The following RAB22A variants were observed in gnomAD, a reference collection of about 807,000 sequenced individuals.
RAB22A encodes the protein RAB22A, member RAS oncogene family.
RAB22A carries 13 observed loss-of-function variants against 30.2 expected under a neutral mutation model. The observed-to-expected ratio is 0.43, with a 90% CI of 0.28 to 0.68. The LOEUF is 0.68. RAB22A is among the 30% of genes least tolerant of loss of function. The probability of loss-of-function intolerance (pLI) is 0.18; values close to 1 mark genes in which losing one functional copy is unlikely to be tolerated. For missense variants in RAB22A, 177 were observed against 246.8 expected (o/e 0.72, Z 1.89); for synonymous variants, 89 against 87.2 (o/e 1.02, Z -0.11).
In RAB22A at chr20:58,359,681, A is replaced by T. The variant is rs1987193117; in HGVS notation, c.563A>T (p.Glu188Val). 6.2e-7 allele frequency: 1 copy of T among 1,611,730 alleles called. No homozygotes were observed. The highest frequency in any genetic ancestry group is 8.5e-7 in the Non-Finnish European group (1 of 1,178,168). Residue 188 changes from glutamate to valine, a missense_variant, in exon 7 of 7, where the codon GAG (glutamate) becomes GTG (valine). Transcript: ENST00000244040. ...KGFKLRRQPSEPKRSCC is the reference protein window; with the variant it reads ...KGFKLRRQPSVPKRSCC ...TTCAAACTCCGAAGACAGCCTTCAG[A>T]GCCAAAGCGGAGCTGCTGCTGACCG...
chr20:58,319,747 G>A (rs1285277650), intron 2 of RAB22A, among the ~76,000 whole-genome samples: 1 of 152,100 alleles, frequency 6.6e-6, no homozygotes, highest in Admixed American at 6.5e-5. Flanking sequence ...CATTCAATTT[G>A]ATGGCTGTCT....
At chr20:58,322,858 G>A (rs766001292) in intron 2 of RAB22A, among the ~76,000 whole-genome samples, 1 of 151,876 alleles carries the variant, frequency 6.6e-6, no homozygotes, top group Admixed American at 6.6e-5. Context: ...CCATTGTCAC[G>A]ATTTCTAATT....
At chr20:58,328,817 G>A (rs1986611842) in intron 2 of RAB22A, among the ~76,000 whole-genome samples, 1 of 151,876 alleles carries the variant, frequency 6.6e-6, no homozygotes, top group Non-Finnish European at 1.5e-5. Context: ...CAACTCTTGG[G>A]CTAAATAATT....
intron 2 of RAB22A, among the ~76,000 whole-genome samples, chr20:58,319,622 A>T (rs1986413642): frequency 6.6e-6 from 1 of 152,204 alleles, no homozygotes; most frequent in Non-Finnish European, 1.5e-5. Flanking sequence ...GAACACATTG[A>T]ATCTCTTGAC....
At chr20:58,315,985 T>G (rs563102615) in intron 2 of RAB22A, among the ~76,000 whole-genome samples, 16 of 152,220 alleles carry the variant, frequency 1.1e-4, no homozygotes, top group African/African-American at 3.9e-4. Flanking sequence ...TCCTCCATGT[T>G]TTTGTTGCTC....
At chr20:58,346,266 GA>G (rs1986944510) in intron 3 of RAB22A, among the ~76,000 whole-genome samples, 1 of 152,130 alleles carries the variant, frequency 6.6e-6, no homozygotes, top group Non-Finnish European at 1.5e-5. Context: ...GAATCTTCTG[GA>G]AACAAAAATC....
intron 2 of RAB22A, among the ~76,000 whole-genome samples, chr20:58,327,219 G>T (rs1986583884): frequency 6.6e-6 from 1 of 152,164 alleles, no homozygotes; most frequent in African/African-American, 2.4e-5. Context: ...ATGTTAATAT[G>T]GTGGGTTACA....
At chr20:58,337,401 C>T (rs1187216614) in intron 2 of RAB22A, among the ~76,000 whole-genome samples, 1 of 152,160 alleles carries the variant, frequency 6.6e-6, no homozygotes, top group Non-Finnish European at 1.5e-5. Context: ...GTCCTCTCTC[C>T]ATCACAAGAT....
chr20:58,364,963 G>A lies in RAB22A; in HGVS notation c.*5260G>A, dbSNP rs1438980031. On this transcript the variant is annotated 3_prime_UTR_variant, in exon 7 of 7. Transcript: ENST00000244040. ...TTTGCCAGGCTGGTCTCGAACTCCT[G>A]ACCTCAGGTGATCTGCTTGCCTCGG... The A allele has an allele frequency of 2.0e-5, 3 of 152,224 alleles. No individual in the cohort carries two copies. The highest frequency in any genetic ancestry group is 4.1e-4 in the South Asian group (2 of 4,824). The allele number at this position is 152,224 out of a possible 1,614,324, so 9.4% of individuals were successfully genotyped here. A position where few individuals can be genotyped will look rare whatever the true frequency, so the allele number is the denominator to read the frequency against.
intron 2 of RAB22A, among the ~76,000 whole-genome samples, chr20:58,319,647 T>C (rs1449768378): frequency 6.6e-6 from 1 of 152,202 alleles, no homozygotes; most frequent in Non-Finnish European, 1.5e-5. Context: ...TTGGGAAGAA[T>C]TGTCATCTTA....
chr20:58,355,207 C>G (rs149674704), intron 6 of RAB22A, among the ~76,000 whole-genome samples: 43 of 152,146 alleles, frequency 2.8e-4, no homozygotes, highest in African/African-American at 9.6e-4. Flanking sequence ...GCCATTGTGT[C>G]GAGGAGGGGC....
chr20:58,320,815 G>C (rs1425471768), intron 2 of RAB22A, among the ~76,000 whole-genome samples: 1 of 152,192 alleles, frequency 6.6e-6, no homozygotes, highest in African/African-American at 2.4e-5. Flanking sequence ...TAGCACTTTG[G>C]GAGGCCAAAG....
chr20:58,359,404 G>A (rs1485983848), intron 6 of RAB22A, among the ~76,000 whole-genome samples: 2 of 152,116 alleles, frequency 1.3e-5, no homozygotes, highest in Non-Finnish European at 2.9e-5. Context: ...TCAGCACTGG[G>A]GGAAACTGGG....
chr20:58,327,650 A>C (rs1047089009), intron 2 of RAB22A, among the ~76,000 whole-genome samples: 1 of 152,232 alleles, frequency 6.6e-6, no homozygotes, highest in East Asian at 1.9e-4. Context: ...ACCAATCCCA[A>C]ACTCAAGGGA....
Position 58,364,611 on chromosome 20 carries a change from G to T in RAB22A, c.*4908G>T, listed in dbSNP as rs2122980013. ...GCAAGTTCATTTTTAGATCTGTATG[G>T]TGCCCAGTACTCCACAAAATGCATC... is the stretch of plus-strand genomic sequence containing the variant. On this transcript the variant is annotated 3_prime_UTR_variant, in exon 7 of 7. Coordinates refer to ENST00000244040, the MANE Select transcript of RAB22A (RefSeq NM_020673.3). 1 of 152,048 alleles carries T rather than the reference G, an allele frequency of 6.6e-6. No individual in the cohort carries two copies. Among genetic ancestry groups the T allele is most frequent in the Non-Finnish European group, 1.5e-5 (1 of 68,006 alleles). The allele number at this position is 152,048 out of a possible 1,614,324, so 9.4% of individuals were successfully genotyped here.
intron 2 of RAB22A, among the ~76,000 whole-genome samples, chr20:58,326,535 A>G (rs974279047): frequency 7.3e-6 from 1 of 136,702 alleles, no homozygotes; most frequent in African/African-American, 2.6e-5. Flanking sequence ...ATATTCTCTT[A>G]TATGGATAGA....
chr20:58,312,047 C>T (rs1986236894), intron 2 of RAB22A, among the ~76,000 whole-genome samples: 1 of 152,130 alleles, frequency 6.6e-6, no homozygotes, highest in Non-Finnish European at 1.5e-5. Context: ...CCTCTGCCTC[C>T]CGGGTTCAAG....
At chr20:58,355,480 C>T (rs1459455092) in intron 6 of RAB22A, among the ~76,000 whole-genome samples, 1 of 152,134 alleles carries the variant, frequency 6.6e-6, no homozygotes, top group Non-Finnish European at 1.5e-5. Flanking sequence ...GGCCAGTGAA[C>T]TACTGATTGC....
chr20:58,351,546 G>T (rs1004348036), intron 3 of RAB22A, among the ~76,000 whole-genome samples: 1 of 152,244 alleles, frequency 6.6e-6, no homozygotes, highest in Non-Finnish European at 1.5e-5. Flanking sequence ...GGGCATGGTG[G>T]CTCACGCCTG....
Sources: allele counts gnomAD v4.1 joint callset (sites outside exome capture counted in the v4.1 genomes callset), GRCh38; gene constraint gnomAD v4.1.1; transcripts MANE v1.5; gene names NCBI Gene and HGNC (gene_info 2026-07-23, HGNC 2026-07-21).